The following PPP2R1B variants were observed in gnomAD, a reference collection of about 807,000 sequenced individuals.
PPP2R1B encodes protein phosphatase 2 scaffold subunit Abeta.
A neutral mutation model predicts 72.7 loss-of-function variants in PPP2R1B; 58 were observed. That is an observed-to-expected ratio of 0.80 (90% confidence interval 0.65 to 0.99). The LOEUF (loss-of-function observed/expected upper bound fraction) is 0.99. PPP2R1B is among the 50% of genes least tolerant of loss of function. PPP2R1B has a pLI of 0.00. For synonymous variants in PPP2R1B, 256 were observed against 264.6 expected (o/e 0.97, Z 0.32); for missense variants, 695 against 733.6 (o/e 0.95, Z 0.61).
At chr11:111,713,736 A>G in the PPP2R1B span, among the ~76,000 whole-genome samples, 22 of 152,340 alleles carry the variant, frequency 1.4e-4, no homozygotes, top group Admixed American at 1.2e-3. Flanking sequence ...TGGGAGGCCA[A>G]GGCGGACAGA....
chr11:111,690,857 C>T, the PPP2R1B span, among the ~76,000 whole-genome samples: 1 of 152,128 alleles, frequency 6.6e-6, no homozygotes, highest in African/African-American at 2.4e-5. Flanking sequence ...TCCAGTCTAT[C>T]ATTGACAGGC....
intron 5 of PPP2R1B, among the ~76,000 whole-genome samples, chr11:111,758,688 A>G (rs1555050408): frequency 6.6e-6 from 1 of 152,144 alleles, no homozygotes; most frequent in African/African-American, 2.4e-5. Flanking sequence ...TGGAGTGGCA[A>G]GTGGAGGAGG....
Position 111,738,118 on chromosome 11 carries a change from G to C in PPP2R1B, c.*3478C>G, listed in dbSNP as rs1944393296. Reference sequence around the variant, plus strand: ...GAGGAAAGAGGAGAGTAAGGAACTGGATGGAAACAGGAATACTGGAGAATC... The same window carrying C: ...GAGGAAAGAGGAGAGTAAGGAACTGCATGGAAACAGGAATACTGGAGAATC... On this transcript the variant is annotated 3_prime_UTR_variant, in exon 15 of 15. Transcript: ENST00000527614. The C allele has an allele frequency of 1.0e-6, 1 of 988,190 alleles. No homozygotes were observed. The highest frequency in any genetic ancestry group is 1.7e-5 in the African/African-American group (1 of 57,402). The allele number at this position is 988,190 out of a possible 1,614,324, so 61.2% of individuals were successfully genotyped here. A position where few individuals can be genotyped will look rare whatever the true frequency, so the allele number is the denominator to read the frequency against.
Position 111,754,511 on chromosome 11 carries a change from C to T in PPP2R1B, c.1017G>A (p.Leu339=), listed in dbSNP as rs782089448. ...DRETIIMNQI[L]PYIKELVSDT... Reference sequence around the variant, plus strand: ...AAGTCAGGTTTACCTTTATATAAGGCAGAATTTGATTCATAATTATGGTCT... The same window carrying T: ...AAGTCAGGTTTACCTTTATATAAGGTAGAATTTGATTCATAATTATGGTCT... Residue 339 remains leucine (L), a synonymous_variant, in exon 8 of 15, where the codon CTG becomes CTA. Coordinates refer to ENST00000527614, the MANE Select transcript of PPP2R1B (RefSeq NM_002716.5). 3.7e-6 allele frequency: 6 copies of T among 1,602,336 alleles called. No individual in the cohort carries two copies. In the South Asian group the frequency reaches 6.8e-5, roughly 18 times the overall value.
the PPP2R1B span, among the ~76,000 whole-genome samples, chr11:111,706,286 C>A: frequency 3.9e-5 from 6 of 152,130 alleles, no homozygotes; most frequent in Non-Finnish European, 7.3e-5. Context: ...GACAATATGA[C>A]TTAGAGATGA....
intron 15 of PPP2R1B, among the ~76,000 whole-genome samples, chr11:111,731,156 C>CA (rs1209833676): frequency 3.9e-5 from 6 of 152,252 alleles, no homozygotes. Context: ...CCTTGATTCT[C>CA]AGAGTCCCAG....
chr11:111,727,239 G>A (rs749463266), intron 15 of PPP2R1B: 5 of 613,574 alleles, frequency 8.1e-6, no homozygotes, highest in Non-Finnish European at 1.5e-5. Flanking sequence ...GCGTGGGAGA[G>A]CATCAGGGCC....
At chr11:111,709,566 C>A in the PPP2R1B span, among the ~76,000 whole-genome samples, 1 of 152,172 alleles carries the variant, frequency 6.6e-6, no homozygotes, top group Non-Finnish European at 1.5e-5. Flanking sequence ...ATAATCATTG[C>A]GTATTGACAC....
chr11:111,737,859 C>T (rs1944384565), downstream of PPP2R1B: 1 of 1,227,356 alleles, frequency 8.1e-7, no homozygotes, highest in African/African-American at 1.5e-5. Flanking sequence ...GCCCCAACCA[C>T]AGGAAAGACC....
At chr11:111,700,510 T>C in the PPP2R1B span, among the ~76,000 whole-genome samples, 2 of 152,252 alleles carry the variant, frequency 1.3e-5, no homozygotes, top group African/African-American at 2.4e-5. Flanking sequence ...TCTTTCCTTA[T>C]AGACCATTTA....
intron 8 of PPP2R1B, among the ~76,000 whole-genome samples, chr11:111,753,920 A>G (rs561816326): frequency 6.6e-6 from 1 of 150,676 alleles, no homozygotes; most frequent in Non-Finnish European, 1.5e-5. Flanking sequence ...CGCCTGGCCT[A>G]ATTTTTTTTT....
chr11:111,747,472 G>A (rs1299423902), intron 11 of PPP2R1B, among the ~76,000 whole-genome samples: 1 of 152,108 alleles, frequency 6.6e-6, no homozygotes, highest in African/African-American at 2.4e-5. Flanking sequence ...TCTCCCTATG[G>A]CAAAGCTAGT....
At chr11:111,703,497 G>C in the PPP2R1B span, 1 of 1,370,434 alleles carries the variant, frequency 7.3e-7, no homozygotes. Context: ...CTGTCATCCT[G>C]GTCTTTTAGC....
rs1945302169 is a variant in PPP2R1B, at chr11:111,760,952, G to A, written c.406C>T (p.Leu136=). Residue 136 remains leucine (L), a synonymous_variant, in exon 4 of 15, where the codon CTG becomes TTG. Transcript: ENST00000527614. The stretch of plus-strand genomic sequence containing the variant: ...ACCAGAGGTACAAAATAAGCTTCCA[G>A]AGCAACAGGAGTATGCTCCTGGGAG... ...QISQEHTPVA[L]EAYFVPLVKR... The A allele has an allele frequency of 1.2e-6, 2 of 1,614,060 alleles. No individual in the cohort carries two copies. The highest frequency in any genetic ancestry group is 1.7e-6 in the Non-Finnish European group (2 of 1,180,038).
At chr11:111,691,304 GAC>G in the PPP2R1B span, among the ~76,000 whole-genome samples, 1 of 152,152 alleles carries the variant, frequency 6.6e-6, no homozygotes, top group Non-Finnish European at 1.5e-5. Context: ...CTCTGGTGAA[GAC>G]AGTGTGATGA....
chr11:111,698,694 GA>G, the PPP2R1B span, among the ~76,000 whole-genome samples: 1 of 152,216 alleles, frequency 6.6e-6, no homozygotes, highest in Admixed American at 6.5e-5. Flanking sequence ...CTGGGCAACA[GA>G]GCAAGACCCT....
intron 3 of PPP2R1B, among the ~76,000 whole-genome samples, chr11:111,763,526 G>C (rs1945404139): frequency 6.6e-6 from 1 of 152,216 alleles, no homozygotes; most frequent in Non-Finnish European, 1.5e-5. Flanking sequence ...CAGCAATCTA[G>C]AGGAAAGATG....
Position 111,741,582 on chromosome 11 carries a change from C to G in PPP2R1B, c.*14G>C. 6.2e-7 allele frequency: 1 copy of G among 1,612,672 alleles called. No individual in the cohort carries two copies. Among genetic ancestry groups the G allele is most frequent in the Non-Finnish European group, 8.5e-7 (1 of 1,179,712 alleles). On this transcript the variant is annotated 3_prime_UTR_variant, in exon 15 of 15. Transcript: ENST00000527614. Reference sequence around the variant, plus strand: ...ACAAGAATCTAGTAAAGGCCTTTTCCCTCCTGCTCCTCATTATGCCAATGC... The same window carrying G: ...ACAAGAATCTAGTAAAGGCCTTTTCGCTCCTGCTCCTCATTATGCCAATGC...
chr11:111,722,880 A>G (rs1037895559), downstream of PPP2R1B: 5 of 836,218 alleles, frequency 6.0e-6, no homozygotes, highest in Admixed American at 7.5e-5. The surrounding 1 kb of genome is among the most constrained non-coding windows in gnomAD (Gnocchi z 4.4). Context: ...TGCGTGTGTC[A>G]CAGGCCCTCT....
Sources: gnomAD v4.1 joint callset for allele counts (sites outside exome capture counted in the v4.1 genomes callset) on GRCh38, gnomAD v4.1.1 for gene constraint, Gnocchi (gnomAD v3.1) non-coding constraint, MANE v1.5 for transcripts, NCBI Gene and HGNC (gene_info 2026-07-23, HGNC 2026-07-21) for gene names.